RBMS1: variants seen among roughly 807,000 people sequenced by gnomAD.
RBMS1 encodes the protein RNA-binding motif, single-stranded-interacting protein 1.
Under a neutral mutation model 62.3 loss-of-function variants are expected in RBMS1, and 17 were observed. The observed-to-expected ratio is 0.27, with a 90% CI of 0.19 to 0.41. The LOEUF is 0.41. Among genes scored for constraint, RBMS1 ranks in the 10% least tolerant of loss-of-function variants. The pLI, the probability that RBMS1 is intolerant of heterozygous loss-of-function variation, is 1.00. For missense variants in RBMS1, 334 were observed against 504.5 expected, an observed-to-expected ratio of 0.66 and a Z score of 3.24; for synonymous variants, 172 against 170.0, an observed-to-expected ratio of 1.01 and a Z score of -0.09.
At chr2:160,367,177 T>C in intron 2 of RBMS1, 39 bp downstream of exon 2, 1 of 1,582,560 alleles carries the variant, frequency 6.3e-7, no homozygotes, top group Non-Finnish European at 8.7e-7. Context: ...ATCAAGAAAA[T>C]ACTTAGCAGC....
At chr2:160,288,171 T>C (rs1269819570) in intron 6 of RBMS1, among the ~76,000 whole-genome samples, 4 of 152,170 alleles carry the variant, frequency 2.6e-5, no homozygotes, top group Non-Finnish European at 4.4e-5. Context: ...TTCTAGTTAA[T>C]GTAATAAAGG....
intron 2 of RBMS1, among the ~76,000 whole-genome samples, chr2:160,334,400 C>T (rs765724059): frequency 3.9e-5 from 6 of 152,168 alleles, no homozygotes; most frequent in Non-Finnish European, 5.9e-5. Context: ...GACACATTAT[C>T]TCATCCAAGC....
chr2:160,446,618 A>C (rs1282075312), intron 1 of RBMS1, among the ~76,000 whole-genome samples: 1 of 152,206 alleles, frequency 6.6e-6, no homozygotes, highest in Non-Finnish European at 1.5e-5. Flanking sequence ...TACCTTTGGA[A>C]ACCGTGTATG....
intron 2 of RBMS1, among the ~76,000 whole-genome samples, chr2:160,352,254 C>T (rs759104941): frequency 5.3e-5 from 8 of 152,070 alleles, no homozygotes; most frequent in Admixed American, 1.3e-4. Flanking sequence ...GTGCAATGCA[C>T]GGTCAAGGGA....
At chr2:160,367,567 C>A (rs1693478304) in intron 1 of RBMS1, 176 bp from the exon 2 acceptor site, 1 of 1,196,822 alleles carries the variant, frequency 8.4e-7, no homozygotes, top group South Asian at 2.1e-5. Flanking sequence ...TCTCCTTCAA[C>A]ATAAAATTGA....
chr2:160,476,760 T>C (rs1685153921), intron 1 of RBMS1, among the ~76,000 whole-genome samples: 1 of 151,732 alleles, frequency 6.6e-6, no homozygotes, highest in Admixed American at 6.6e-5. Context: ...TTCACCGTTT[T>C]AGCCGGGATG....
chr2:160,332,813 TC>T (rs1691351898), intron 2 of RBMS1, among the ~76,000 whole-genome samples: 1 of 151,592 alleles, frequency 6.6e-6, no homozygotes, highest in Non-Finnish European at 1.5e-5. Context: ...CCAGAAAGCT[TC>T]TTTACATGAC....
intron 1 of RBMS1, among the ~76,000 whole-genome samples, chr2:160,418,469 T>C (rs1696291305): frequency 6.6e-6 from 1 of 152,222 alleles, no homozygotes; most frequent in Non-Finnish European, 1.5e-5. Context: ...TTAAAATTTA[T>C]ATGAAATTAC....
At chr2:160,341,073 TA>T (rs1388149038) in intron 2 of RBMS1, among the ~76,000 whole-genome samples, 1 of 152,124 alleles carries the variant, frequency 6.6e-6, no homozygotes, top group Non-Finnish European at 1.5e-5. Flanking sequence ...TTTTAGAGCT[TA>T]AAAAAATATA....
chr2:160,425,682 C>G (rs1682524355), intron 1 of RBMS1, among the ~76,000 whole-genome samples: 1 of 152,186 alleles, frequency 6.6e-6, no homozygotes, highest in African/African-American at 2.4e-5. Flanking sequence ...AGAGCAACTA[C>G]AGCAGAAATG....
chr2:160,349,942 C>T (rs1692401949), intron 2 of RBMS1, among the ~76,000 whole-genome samples: 1 of 151,370 alleles, frequency 6.6e-6, no homozygotes, highest in Non-Finnish European at 1.5e-5. Flanking sequence ...TGAGCAAGGT[C>T]CTGAAGGATA....
At chr2:160,370,961 T>A (rs1412316433) in intron 1 of RBMS1, among the ~76,000 whole-genome samples, 4 of 152,198 alleles carry the variant, frequency 2.6e-5, no homozygotes, top group Non-Finnish European at 5.9e-5. Context: ...AAAATCAGTT[T>A]TAAAAATTCT....
chr2:160,395,508 T>C (rs925949959), intron 1 of RBMS1, among the ~76,000 whole-genome samples: 73 of 151,268 alleles, frequency 4.8e-4, no homozygotes, highest in Non-Finnish European at 8.0e-4. Flanking sequence ...CCTGCAGTCC[T>C]AGCTACTTGG....
intron 2 of RBMS1, chr2:160,366,855 G>A (rs1693424717): frequency 6.0e-6 from 1 of 167,950 alleles, no homozygotes; most frequent in East Asian, 1.7e-4. Context: ...GATAGCTAAA[G>A]TTCCTCTCAT....
chr2:160,289,567 G>T (rs1176574537), intron 6 of RBMS1, among the ~76,000 whole-genome samples: 1 of 152,128 alleles, frequency 6.6e-6, no homozygotes, highest in South Asian at 2.1e-4. Flanking sequence ...TATGTGCCAA[G>T]TACACAAGAG....
chr2:160,428,521 G>GAAA (rs35197944), intron 1 of RBMS1, among the ~76,000 whole-genome samples: 1 of 102,156 alleles, frequency 9.8e-6, no homozygotes, highest in Non-Finnish European at 2.4e-5. Context: ...AGAAGAAGAA[G>GAAA]AAAAAAACTC....
chr2:160,459,776 C>G (rs994509487), intron 1 of RBMS1, among the ~76,000 whole-genome samples: 9 of 152,100 alleles, frequency 5.9e-5, no homozygotes, highest in African/African-American at 2.2e-4. Context: ...CCAAGCATAG[C>G]CACTGATTTA....
intron 1 of RBMS1, chr2:160,492,980 G>A (rs985696939): frequency 1.0e-5 from 3 of 299,306 alleles, no homozygotes; most frequent in Non-Finnish European, 6.2e-6. Context: ...GCCAGGGCTC[G>A]GCGAGGGGCG....
chr2:160,434,263 A>G (rs557841786), intron 1 of RBMS1, among the ~76,000 whole-genome samples: 8 of 152,348 alleles, frequency 5.3e-5, no homozygotes, highest in East Asian at 1.9e-4. Flanking sequence ...GTCCATTTAA[A>G]AAACAAATAA....
Sources: gnomAD v4.1 joint callset for allele counts (sites outside exome capture counted in the v4.1 genomes callset) on GRCh38, gnomAD v4.1.1 for gene constraint, MANE v1.5 for transcripts, NCBI Gene and HGNC (gene_info 2026-07-23, HGNC 2026-07-21) for gene names.